The following MYO18B variants were observed in gnomAD, a reference collection of about 807,000 sequenced individuals.
MYO18B encodes myosin XVIIIB, also known as unconventional myosin-XVIIIb.
A neutral mutation model predicts 273.0 loss-of-function variants in MYO18B; 204 were observed. The observed-to-expected ratio is 0.75, with a 90% CI of 0.67 to 0.84. The LOEUF is 0.84. Ranked by LOEUF, MYO18B falls within the 40% of genes least tolerant of loss-of-function variation. The pLI, the probability that MYO18B is intolerant of heterozygous loss-of-function variation, is 0.00. For synonymous variants in MYO18B, 1,330 were observed against 1,305.7 expected, an observed-to-expected ratio of 1.02 and a Z score of -0.40; for missense variants, 3,212 against 3,287.6, an observed-to-expected ratio of 0.98 and a Z score of 0.56.
At chr22:25,875,123 G>A (rs774845491) in intron 23 of MYO18B, among the ~76,000 whole-genome samples, 11 of 152,318 alleles carry the variant, frequency 7.2e-5, no homozygotes, top group African/African-American at 1.9e-4. Flanking sequence ...TGATGAGACC[G>A]TGAATAATGA....
In MYO18B at chr22:25,992,498, C is replaced by T. The variant is rs546053489; in HGVS notation, c.6287+5C>T. On this transcript the variant is annotated splice_donor_5th_base_variant and intron_variant, in intron 40 of 43. Transcript: ENST00000335473. Reference sequence around the variant, plus strand: ...CAGTGACAGTGATACTGAGAGGTAACTTGCTAGGGGCTCGGCGGGGCTGGG... The same window carrying T: ...CAGTGACAGTGATACTGAGAGGTAATTTGCTAGGGGCTCGGCGGGGCTGGG... 4.0e-5 allele frequency: 64 copies of T among 1,613,878 alleles called. 1 individual carries two copies. In the South Asian group the frequency reaches 6.5e-4, roughly 16 times the overall value.
At chr22:25,882,999 C>T (rs957270579) in intron 25 of MYO18B, among the ~76,000 whole-genome samples, 10 of 152,134 alleles carry the variant, frequency 6.6e-5, no homozygotes, top group Admixed American at 2.0e-4. Context: ...TGGGCTAAAG[C>T]GAACCTCCTA....
At chr22:25,917,611 C>T (rs1601569242) in intron 33 of MYO18B, among the ~76,000 whole-genome samples, 1 of 146,566 alleles carries the variant, frequency 6.8e-6, no homozygotes, top group South Asian at 2.2e-4. Context: ...CTTTAAACAG[C>T]TGGATAATTT....
chr22:26,002,243 CTATT>C (rs1421414871), intron 40 of MYO18B, among the ~76,000 whole-genome samples: 1 of 152,192 alleles, frequency 6.6e-6, no homozygotes, highest in East Asian at 1.9e-4. Flanking sequence ...ACAAAAATCT[CTATT>C]TATAAAAATA....
intron 34 of MYO18B, among the ~76,000 whole-genome samples, chr22:25,922,977 G>A (rs1044741957): frequency 2.0e-5 from 3 of 152,114 alleles, no homozygotes; most frequent in Non-Finnish European, 2.9e-5. Flanking sequence ...ATCCAACCCG[G>A]GACCACACTC....
chr22:25,841,614 A>G (rs2145985454), intron 17 of MYO18B, among the ~76,000 whole-genome samples: 1 of 152,150 alleles, frequency 6.6e-6, no homozygotes, highest in East Asian at 2.0e-4. Flanking sequence ...CAGAGATGCT[A>G]ACATTACCAG....
intron 38 of MYO18B, among the ~76,000 whole-genome samples, chr22:25,954,769 T>A (rs1173715012): frequency 6.6e-6 from 1 of 152,180 alleles, no homozygotes; most frequent in Non-Finnish European, 1.5e-5. Flanking sequence ...TGGAGTGCAG[T>A]GGCGTGATCT....
intron 29 of MYO18B, chr22:25,899,050 T>G (rs1279019416): frequency 6.5e-6 from 1 of 152,734 alleles, no homozygotes; most frequent in Non-Finnish European, 1.5e-5. Flanking sequence ...CATTTAGGAC[T>G]TGGACTCTCA....
intron 28 of MYO18B, chr22:25,897,728 C>G (rs1433959030): frequency 6.6e-6 from 1 of 152,302 alleles, no homozygotes; most frequent in East Asian, 1.9e-4. Context: ...GTTGCGTGCT[C>G]TTTCCCAGAT....
intron 39 of MYO18B, among the ~76,000 whole-genome samples, chr22:25,970,653 A>G (rs1452896742): frequency 6.6e-6 from 1 of 152,238 alleles, no homozygotes; most frequent in Non-Finnish European, 1.5e-5. Flanking sequence ...AAAACAAGCT[A>G]CATCTGTCCT....
At chr22:26,049,986 C>A in the MYO18B span, among the ~76,000 whole-genome samples, 2 of 152,168 alleles carry the variant, frequency 1.3e-5, no homozygotes, top group South Asian at 4.1e-4. Flanking sequence ...GTACAGCTGT[C>A]CTTACAAAGT....
intron 1 of MYO18B, among the ~76,000 whole-genome samples, chr22:25,745,466 C>T (rs1295396736): frequency 7.6e-6 from 1 of 132,318 alleles, no homozygotes; most frequent in Non-Finnish European, 1.6e-5. Flanking sequence ...AGATTTCTCT[C>T]TCTCTGACAC....
At position 25,949,364 on chromosome 22, in the gene MYO18B, G is replaced by GGA. The variant is rs1301147568; in HGVS notation, c.5749-1002_5749-1001dup. ...GGAGTGAAGATGAGGAGGAGTGGAT[G>GGA]GATGGGCTTGGGAGATGATCGGGAG... On this transcript the variant is annotated intron_variant, in intron 36 of 43. Coordinates refer to ENST00000335473, the MANE Select transcript of MYO18B (RefSeq NM_032608.7). Among the ~76,000 whole-genome samples, 6 of 152,316 alleles carry GGA rather than the reference G, an allele frequency of 3.9e-5. No homozygotes were observed. In the East Asian group the frequency reaches 1.2e-3, roughly 29 times the overall value.
At chr22:26,036,807 T>C in the MYO18B span, among the ~76,000 whole-genome samples, 2 of 152,198 alleles carry the variant, frequency 1.3e-5, no homozygotes, top group African/African-American at 2.4e-5. Flanking sequence ...TAAAGCACAG[T>C]GGCCTCACCC....
chr22:25,881,389 C>T (rs2091329929), intron 25 of MYO18B, among the ~76,000 whole-genome samples: 2 of 152,232 alleles, frequency 1.3e-5, no homozygotes, highest in Admixed American at 6.5e-5. Flanking sequence ...AGAAATGACA[C>T]ACACGTGCCT....
At chr22:25,798,753 T>C (rs4820657) in intron 12 of MYO18B, among the ~76,000 whole-genome samples, 142,929 of 152,054 alleles carry the variant, frequency 0.94, 67,674 homozygotes, top group East Asian at 1. Context: ...TTTTTGTAGA[T>C]AGGGGTCTCA....
intron 10 of MYO18B, among the ~76,000 whole-genome samples, chr22:25,782,293 C>T (rs893679578): frequency 3.3e-5 from 5 of 152,202 alleles, no homozygotes; most frequent in South Asian, 2.1e-4. Context: ...GCCCTGGCAG[C>T]GGTATGGGAA....
At position 25,762,060 on chromosome 22, in the gene MYO18B, C is replaced by T. The variant is rs2086339836; in HGVS notation, c.39+929C>T. Among the ~76,000 whole-genome samples, 7 of 151,636 alleles carry T rather than the reference C, an allele frequency of 4.6e-5. No individual in the cohort carries two copies. The South Asian group carries it at 6.2e-4, about 14-fold the overall frequency. Reference sequence around the variant, plus strand: ...CAGAGGTTGCAGTGAGCCAAGATCGCGCCATTGCACTCCAGCCCGAGCGAC... The same window carrying T: ...CAGAGGTTGCAGTGAGCCAAGATCGTGCCATTGCACTCCAGCCCGAGCGAC... On this transcript the variant is annotated intron_variant, in intron 2 of 43. Transcript: ENST00000335473.
In MYO18B at chr22:25,992,505, G is replaced by A. The variant is rs2093280390; in HGVS notation, c.6287+12G>A. On this transcript the variant is annotated intron_variant, in intron 40 of 43. Coordinates refer to ENST00000335473, the MANE Select transcript of MYO18B (RefSeq NM_032608.7). ...AGTGATACTGAGAGGTAACTTGCTA[G>A]GGGCTCGGCGGGGCTGGGCGCAGCA... 3.1e-6 allele frequency: 5 copies of A among 1,613,576 alleles called. No homozygotes were observed. Among genetic ancestry groups the A allele is most frequent in the South Asian group, 1.1e-5 (1 of 91,054 alleles).
Sources: allele counts gnomAD v4.1 joint callset (sites outside exome capture counted in the v4.1 genomes callset), GRCh38; gene constraint gnomAD v4.1.1; transcripts MANE v1.5; gene names NCBI Gene and HGNC (gene_info 2026-07-23, HGNC 2026-07-21).